SMARCC1: variants seen among roughly 807,000 people sequenced by gnomAD.
The protein encoded by SMARCC1 is SWI/SNF related BAF chromatin remodeling complex subunit C1.
Under a neutral mutation model 147.4 loss-of-function variants are expected in SMARCC1, and 43 were observed. The ratio of observed to expected loss-of-function variants is 0.29; its 90% confidence interval spans 0.23 to 0.38. The LOEUF is 0.38. Among genes scored for constraint, SMARCC1 ranks in the 10% least tolerant of loss-of-function variants. SMARCC1 has a pLI of 1.00. For missense variants in SMARCC1, 1,119 were observed against 1,381.1 expected, an observed-to-expected ratio of 0.81 and a Z score of 3.01; for synonymous variants, 495 against 484.4, an observed-to-expected ratio of 1.02 and a Z score of -0.29.
Position 47,662,508 on chromosome 3 carries a change from A to G in SMARCC1, c.1984T>C (p.Leu662=), listed in dbSNP as rs776623844. ...RTQDECILHF[L]RLPIEDPYLE... ...TATGGGTCCTCAATGGGAAGTCTCA[A>G]AAAGTGGAGGATGCATTCATCCTGA... Residue 662 remains leucine (L), a synonymous_variant, in exon 20 of 28, where the codon TTG becomes CTG. Coordinates refer to ENST00000254480, the MANE Select transcript of SMARCC1 (RefSeq NM_003074.4). 1.2e-6 allele frequency: 2 copies of G among 1,614,126 alleles called. No individual in the cohort carries two copies. Among genetic ancestry groups the G allele is most frequent in the Non-Finnish European group, 1.7e-6 (2 of 1,179,974 alleles).
intron 26 of SMARCC1, among the ~76,000 whole-genome samples, chr3:47,605,315 C>T (rs1368268606): frequency 6.6e-6 from 1 of 152,174 alleles, no homozygotes; most frequent in Non-Finnish European, 1.5e-5. Flanking sequence ...CACAACAGCA[C>T]AAACTATTCA....
At chr3:47,771,077 A>C (rs2034908692) in intron 2 of SMARCC1, among the ~76,000 whole-genome samples, 1 of 152,018 alleles carries the variant, frequency 6.6e-6, no homozygotes, top group South Asian at 2.1e-4. Flanking sequence ...CGCCCGGCTA[A>C]TTTTTGTACT....
chr3:47,653,024 T>G (rs2033212013), intron 21 of SMARCC1, among the ~76,000 whole-genome samples: 1 of 148,844 alleles, frequency 6.7e-6, no homozygotes, highest in South Asian at 2.1e-4. Flanking sequence ...TGGCGCAATC[T>G]CGGCTCACTG....
In SMARCC1 at chr3:47,693,188, T is replaced by C. The variant is rs779861331; in HGVS notation, c.1225+53A>G. 6.0e-6 allele frequency: 6 copies of C among 1,003,764 alleles called. No homozygotes were observed. In the Middle Eastern group the frequency reaches 6.2e-4, roughly 104 times the overall value. 62.2% of individuals were successfully genotyped at this position (1,003,764 alleles called of 1,614,324 possible). On this transcript the variant is annotated intron_variant, in intron 12 of 27. Coordinates refer to ENST00000254480, the MANE Select transcript of SMARCC1 (RefSeq NM_003074.4). Reference sequence around the variant, plus strand: ...TGGAAGAATAGACTATCAAAGGAGATGACATATTCAAGACAGAAAGCACAG... The same window carrying C: ...TGGAAGAATAGACTATCAAAGGAGACGACATATTCAAGACAGAAAGCACAG...
intron 14 of SMARCC1, among the ~76,000 whole-genome samples, chr3:47,680,793 C>T (rs1246586680): frequency 5.3e-5 from 8 of 151,722 alleles, no homozygotes; most frequent in African/African-American, 1.2e-4. Flanking sequence ...GTGATCCGCC[C>T]GCCTCGGCCT....
chr3:47,679,752 C>T (rs936881189), intron 15 of SMARCC1, among the ~76,000 whole-genome samples: 3 of 150,458 alleles, frequency 2.0e-5, no homozygotes, highest in Non-Finnish European at 2.9e-5. Flanking sequence ...GTCTCAACTA[C>T]GTGGGAGGCT....
At chr3:47,750,975 G>A (rs536201921) in intron 2 of SMARCC1, among the ~76,000 whole-genome samples, 148 of 151,262 alleles carry the variant, frequency 9.8e-4, no homozygotes, top group Non-Finnish European at 1.8e-3. Context: ...TCAGCTGACT[G>A]CAACCTCTGC....
At chr3:47,627,326 G>C (rs527846645) in intron 24 of SMARCC1, among the ~76,000 whole-genome samples, 43 of 151,918 alleles carry the variant, frequency 2.8e-4, no homozygotes, top group African/African-American at 1.0e-3. Context: ...CTAGTCATGA[G>C]GAAATAGAAA....
At chr3:47,696,091 C>G (rs1476878517) in intron 11 of SMARCC1, among the ~76,000 whole-genome samples, 83 of 129,260 alleles carry the variant, frequency 6.4e-4, no homozygotes, top group African/African-American at 7.1e-4. Flanking sequence ...GGGGGGGGGG[C>G]CAGGCGAGGT....
At chr3:47,750,849 T>C (rs958508254) in intron 2 of SMARCC1, among the ~76,000 whole-genome samples, 1 of 152,058 alleles carries the variant, frequency 6.6e-6, no homozygotes, top group Non-Finnish European at 1.5e-5. Flanking sequence ...TCAACAGATA[T>C]TAAATTTGAA....
intron 12 of SMARCC1, among the ~76,000 whole-genome samples, chr3:47,692,265 T>C (rs905295712): frequency 2.6e-5 from 4 of 152,214 alleles, no homozygotes; most frequent in African/African-American, 9.6e-5. Flanking sequence ...CAAGTGATTA[T>C]ACTCTTTTCT....
chr3:47,771,137 C>G (rs1464565352), intron 2 of SMARCC1, among the ~76,000 whole-genome samples: 4 of 152,086 alleles, frequency 2.6e-5, no homozygotes, highest in African/African-American at 9.7e-5. Flanking sequence ...TCTCAATCTC[C>G]TGACATCGTG....
intron 2 of SMARCC1, among the ~76,000 whole-genome samples, chr3:47,761,577 C>A (rs73085154): frequency 3.9e-5 from 6 of 151,978 alleles, no homozygotes; most frequent in Non-Finnish European, 8.8e-5. Context: ...TAGATTGGAC[C>A]TGATGGATGA....
chr3:47,674,411 T>C (rs2033542880), intron 18 of SMARCC1, among the ~76,000 whole-genome samples: 1 of 152,248 alleles, frequency 6.6e-6, no homozygotes, highest in South Asian at 2.1e-4. Context: ...GTCTACTGGA[T>C]AGAGAATTCC....
At chr3:47,710,483 C>T (rs1559651286) in intron 9 of SMARCC1, among the ~76,000 whole-genome samples, 200 bp downstream of exon 9, 1 of 152,062 alleles carries the variant, frequency 6.6e-6, no homozygotes, top group Non-Finnish European at 1.5e-5. Context: ...TTAAGATTTT[C>T]ATACCACTTT....
intron 24 of SMARCC1, among the ~76,000 whole-genome samples, chr3:47,625,443 C>T (rs2032795312): frequency 6.6e-6 from 1 of 152,140 alleles, no homozygotes; most frequent in East Asian, 1.9e-4. Flanking sequence ...CCAGGTTGCC[C>T]AGTCTAGTCT....
intron 2 of SMARCC1, among the ~76,000 whole-genome samples, chr3:47,748,879 T>C (rs569371284): frequency 5.3e-5 from 8 of 152,234 alleles, no homozygotes; most frequent in African/African-American, 1.2e-4. Flanking sequence ...TATTGTTTAA[T>C]AGATACAGAA....
intron 2 of SMARCC1, among the ~76,000 whole-genome samples, chr3:47,769,657 C>A (rs1401354890): frequency 6.6e-6 from 1 of 152,164 alleles, no homozygotes; most frequent in Non-Finnish European, 1.5e-5. Context: ...TTCCTGACAT[C>A]ACCAAGTAAG....
At position 47,710,725 on chromosome 3, in the gene SMARCC1, C is replaced by A; in HGVS notation, c.876G>T (p.Lys292Asn). 1 of 1,613,796 alleles carries A rather than the reference C, an allele frequency of 6.2e-7. No individual in the cohort carries two copies. Among genetic ancestry groups the A allele is most frequent in the Admixed American group, 1.7e-5 (1 of 59,982 alleles). ...EEDYEVDENR[K>N]PVSFRQRIST... ...AAATCCGCTGACGAAAACTCACAGG[C>A]TTCCTATTTTCATCCACCTCATAAT... The change falls in exon 9 of 28, where the codon AAG becomes AAT. Residue 292 changes from lysine (K) to asparagine (N), a missense_variant. Physicochemically the swap from Lys to Asn is moderately conservative, Grantham distance 94. Transcript: ENST00000254480.
Sources: gnomAD v4.1 joint callset for allele counts (sites outside exome capture counted in the v4.1 genomes callset) on GRCh38, gnomAD v4.1.1 for gene constraint, MANE v1.5 for transcripts, NCBI Gene and HGNC (gene_info 2026-07-23, HGNC 2026-07-21) for gene names.